LHFPL3: variants seen among roughly 807,000 people sequenced by gnomAD.
LHFPL3 encodes the protein LHFPL tetraspan subfamily member 3 protein.
Under a neutral mutation model 19.3 loss-of-function variants are expected in LHFPL3, and 5 were observed. The ratio of observed to expected loss-of-function variants is 0.26; its 90% CI spans 0.14 to 0.54. The LOEUF (loss-of-function observed/expected upper bound fraction) is 0.54. Among genes scored for constraint, LHFPL3 ranks in the 20% least tolerant of loss-of-function variants. LHFPL3 has a pLI of 0.94. For synonymous variants in LHFPL3, 133 were observed against 126.2 expected (o/e 1.05, Z -0.36); for missense variants, 249 against 307.4 (o/e 0.81, Z 1.42).
At chr7:104,610,543 C>A (rs1331327427) in intron 1 of LHFPL3, among the ~76,000 whole-genome samples, 2 of 152,112 alleles carry the variant, frequency 1.3e-5, no homozygotes, top group Non-Finnish European at 2.9e-5. Context: ...GGTCCACAGG[C>A]TTGAGAACCA....
intron 1 of LHFPL3, among the ~76,000 whole-genome samples, chr7:104,576,942 CAG>C (rs1562939827): frequency 6.6e-6 from 1 of 152,166 alleles, no homozygotes; most frequent in Admixed American, 6.5e-5. Context: ...AATCTGTCAC[CAG>C]AGTTTATCTT....
intron 2 of LHFPL3, among the ~76,000 whole-genome samples, chr7:104,784,405 T>C (rs1789871901): frequency 6.6e-6 from 1 of 152,184 alleles, no homozygotes. Context: ...CAGAATGTTG[T>C]TTTGAGGATT....
intron 2 of LHFPL3, among the ~76,000 whole-genome samples, chr7:104,749,585 G>A (rs868079075): frequency 7.7e-4 from 118 of 152,382 alleles, no homozygotes; most frequent in African/African-American, 2.6e-3. Flanking sequence ...GATCATGGCC[G>A]GAGAGGGCAA....
chr7:104,902,025 C>T (rs1792495799), intron 2 of LHFPL3, among the ~76,000 whole-genome samples: 2 of 152,230 alleles, frequency 1.3e-5, no homozygotes, highest in South Asian at 4.1e-4. Flanking sequence ...CAGCTCCCTG[C>T]CCACCACAGA....
At chr7:104,515,267 C>T (rs1443626097) in intron 1 of LHFPL3, among the ~76,000 whole-genome samples, 1 of 152,048 alleles carries the variant, frequency 6.6e-6, no homozygotes, top group Non-Finnish European at 1.5e-5. Flanking sequence ...AGATTAATTC[C>T]CTGAGATGTT....
chr7:104,518,793 TAGATGATA>T (rs1337200179), intron 1 of LHFPL3, among the ~76,000 whole-genome samples: 2 of 135,786 alleles, frequency 1.5e-5, no homozygotes, highest in East Asian at 4.3e-4. Flanking sequence ...CAAAAATAAA[TAGATGATA>T]GATAGATAGA....
At position 104,907,385 on chromosome 7, in the gene LHFPL3, T is replaced by C. The variant is rs1287172312; in HGVS notation, c.*1170T>C. On this transcript the variant is annotated 3_prime_UTR_variant, in exon 3 of 3. Transcript: ENST00000424859. ...ACTCGGTAGGAATAAGTTACCTTTTTGTTTACTAATGTTGGTTTCAAAAAT... is the reference window on the plus strand; with the variant it reads ...ACTCGGTAGGAATAAGTTACCTTTTCGTTTACTAATGTTGGTTTCAAAAAT... Among the ~76,000 whole-genome samples, 2 of 152,210 alleles carry C rather than the reference T, an allele frequency of 1.3e-5. No individual in the cohort carries two copies. Among genetic ancestry groups the C allele is most frequent in the Admixed American group, 1.3e-4 (2 of 15,278 alleles).
At chr7:104,665,633 A>C (rs1413833833) in intron 1 of LHFPL3, among the ~76,000 whole-genome samples, 1 of 152,224 alleles carries the variant, frequency 6.6e-6, no homozygotes, top group African/African-American at 2.4e-5. Context: ...CCTAATTCAC[A>C]TGTATACCTT....
intron 1 of LHFPL3, among the ~76,000 whole-genome samples, chr7:104,381,312 GTCT>G (rs1329031272): frequency 2.0e-5 from 3 of 152,282 alleles, no homozygotes; most frequent in Non-Finnish European, 2.9e-5. Flanking sequence ...GACTCAAGAG[GTCT>G]TCTACTACTA....
At chr7:104,849,066 G>C (rs985471358) in intron 2 of LHFPL3, among the ~76,000 whole-genome samples, 2 of 152,046 alleles carry the variant, frequency 1.3e-5, no homozygotes, top group Non-Finnish European at 2.9e-5. Context: ...AAGTAGCTGG[G>C]ACTACAGGCA....
intron 1 of LHFPL3, among the ~76,000 whole-genome samples, chr7:104,490,073 A>G (rs1236237722): frequency 1.3e-5 from 2 of 152,182 alleles, no homozygotes; most frequent in African/African-American, 4.8e-5. Context: ...TGCCTGTCTC[A>G]TCATTATGTC....
chr7:104,875,199 A>G (rs575508974), intron 2 of LHFPL3, among the ~76,000 whole-genome samples: 5 of 151,968 alleles, frequency 3.3e-5, no homozygotes, highest in Non-Finnish European at 7.4e-5. Context: ...TCTTTGTTTC[A>G]TAAGATGAAA....
chr7:104,702,126 T>C (rs1793115223), intron 1 of LHFPL3, among the ~76,000 whole-genome samples: 1 of 150,538 alleles, frequency 6.6e-6, no homozygotes. Context: ...ACATGCAGAG[T>C]TTGGTTTTCT....
At chr7:104,688,418 G>T (rs1312656927) in intron 1 of LHFPL3, among the ~76,000 whole-genome samples, 1 of 152,182 alleles carries the variant, frequency 6.6e-6, no homozygotes, top group Non-Finnish European at 1.5e-5. Context: ...GTCTTGCCAG[G>T]TGTCTACTGT....
At chr7:104,480,184 C>T (rs1793103745) in intron 1 of LHFPL3, among the ~76,000 whole-genome samples, 1 of 152,182 alleles carries the variant, frequency 6.6e-6, no homozygotes. Flanking sequence ...CATGATTAAT[C>T]ACTTAACTTC....
intron 1 of LHFPL3, among the ~76,000 whole-genome samples, chr7:104,563,423 C>G (rs113961385): frequency 6.6e-6 from 1 of 152,086 alleles, no homozygotes. Context: ...GCACAGTATT[C>G]GGGTGGGAGT....
intron 1 of LHFPL3, among the ~76,000 whole-genome samples, chr7:104,582,450 T>A (rs751014887): frequency 9.2e-5 from 14 of 152,022 alleles, no homozygotes; most frequent in Non-Finnish European, 2.1e-4. Context: ...TCTCTTTGCC[T>A]TTTATTTATT....
chr7:104,439,808 AT>A (rs1160496031), intron 1 of LHFPL3, among the ~76,000 whole-genome samples: 1 of 152,156 alleles, frequency 6.6e-6, no homozygotes, highest in Non-Finnish European at 1.5e-5. Flanking sequence ...TACTTTTACC[AT>A]TTTTATTCAG....
chr7:104,377,681 A>G (rs1790742945), intron 1 of LHFPL3, among the ~76,000 whole-genome samples: 1 of 152,166 alleles, frequency 6.6e-6, no homozygotes, highest in East Asian at 1.9e-4. Context: ...ATTTTCTGTG[A>G]CAGTTGGCAA....
Sources: gnomAD v4.1 joint callset for allele counts (sites outside exome capture counted in the v4.1 genomes callset) on GRCh38, gnomAD v4.1.1 for gene constraint, MANE v1.5 for transcripts, NCBI Gene and HGNC (gene_info 2026-07-23, HGNC 2026-07-21) for gene names.